Variants in MGAM observed in about 807,000 individuals in gnomAD.
The protein encoded by MGAM is maltase-glucoamylase, also known as alpha-1,4-glucosidase.
MGAM carries 253 observed loss-of-function variants against 358.8 expected under a neutral mutation model. The observed-to-expected ratio is 0.71, with a 90% CI of 0.64 to 0.78. The LOEUF (loss-of-function observed/expected upper bound fraction) is 0.78. MGAM is among the 30% of genes least tolerant of loss of function. MGAM has a pLI of 0.00. For synonymous variants in MGAM, 1,105 were observed against 1,227.1 expected, an observed-to-expected ratio of 0.90 and a Z score of 2.08; for missense variants, 3,080 against 3,432.6, an observed-to-expected ratio of 0.90 and a Z score of 2.57.
At chr7:142,011,767 TGTTTCTCTGA>T (rs1934777861) in intron 3 of MGAM, among the ~76,000 whole-genome samples, 1 of 152,128 alleles carries the variant, frequency 6.6e-6, no homozygotes, top group Admixed American at 6.6e-5. Context: ...TTCTGGCAAA[TGTTTCTCTGA>T]ATATTCACCA....
rs12155113 is a variant in MGAM, at chr7:142,088,783, A to T, written c.6810+2066A>T. Among the ~76,000 whole-genome samples the T allele has an allele frequency of 2.3e-3, 286 of 125,530 alleles. 19 individuals carry two copies. The highest frequency in any genetic ancestry group is 3.1e-3 in the South Asian group (12 of 3,876). 82.4% of individuals were successfully genotyped at this position (125,530 alleles called of 152,430 possible). A position where few individuals can be genotyped will look rare whatever the true frequency, so the allele number is the denominator to read the frequency against. On this transcript the variant is annotated intron_variant, in intron 57 of 70. Coordinates refer to ENST00000475668, the MANE Select transcript of MGAM (RefSeq NM_001365693.1). Reference sequence around the variant, plus strand: ...TATCTATCTATCTATCTATCTATCTATCTATCTATCTATCTATCATTCTAT... The same window carrying T: ...TATCTATCTATCTATCTATCTATCTTTCTATCTATCTATCTATCATTCTAT...
rs540302001 is a variant in MGAM, at chr7:142,011,720, C to G, written c.327+3015C>G. Among the ~76,000 whole-genome samples the G allele has an allele frequency of 1.2e-4, 19 of 152,258 alleles. 1 individual carries two copies. The South Asian group carries it at 1.7e-3, about 13-fold the overall frequency. ...GATTAAATGACTATTGAACACTATA[C>G]TAACCTCAAAATATTTTAGAATAGT... On this transcript the variant is annotated intron_variant, in intron 3 of 70. Transcript: ENST00000475668.
chr7:142,021,257 A>C (rs550432097), intron 5 of MGAM, among the ~76,000 whole-genome samples, 174 bp downstream of exon 5: 5 of 152,344 alleles, frequency 3.3e-5, no homozygotes, highest in African/African-American at 1.2e-4. Context: ...CCTTTACTGT[A>C]ATAACTTCCT....
intron 49 of MGAM, among the ~76,000 whole-genome samples, chr7:142,080,033 C>T (rs1201264154): frequency 5.5e-5 from 8 of 146,608 alleles, no homozygotes; most frequent in Non-Finnish European, 1.2e-4. Context: ...TTAATTCTCT[C>T]TGCCTTCGTG....
chr7:142,082,108 C>A lies in MGAM; in HGVS notation c.6069C>A (p.Pro2023=). The A allele has an allele frequency of 1.3e-6, 2 of 1,556,080 alleles. 1 individual carries two copies. The highest frequency in any genetic ancestry group is 4.6e-5 in the East Asian group (2 of 43,950). Reference sequence around the variant, plus strand: ...TTATCCGCATCTCCACCCGCCTTCCCTCCAAGTACCTCTATGGCTTTGGGG... The same window carrying A: ...TTATCCGCATCTCCACCCGCCTTCCATCCAAGTACCTCTATGGCTTTGGGG... ...DMFIRISTRL[P]SKYLYGFGET... is the part of the protein sequence containing the mutation. Residue 2023 remains proline, a synonymous_variant, in exon 51 of 71, where the codon CCC becomes CCA. Transcript: ENST00000475668.
intron 21 of MGAM, among the ~76,000 whole-genome samples, chr7:142,044,300 C>A (rs1302187278): frequency 9.4e-5 from 4 of 42,586 alleles, no homozygotes; most frequent in Non-Finnish European, 2.5e-4. Flanking sequence ...ATAATATATA[C>A]TATATATAAT....
At chr7:142,058,471 CA>C in intron 31 of MGAM, 143 bp downstream of exon 31, 2 of 1,423,572 alleles carry the variant, frequency 1.4e-6, no homozygotes, top group Non-Finnish European at 1.9e-6. Context: ...CACCCCAGCA[CA>C]GTAATATAGG....
intron 2 of MGAM, among the ~76,000 whole-genome samples, chr7:142,005,975 G>T (rs1805126421): frequency 6.6e-6 from 1 of 151,932 alleles, no homozygotes; most frequent in South Asian, 2.1e-4. Context: ...AGGCAAGCGA[G>T]TATATGAGAG....
intron 22 of MGAM, among the ~76,000 whole-genome samples, chr7:142,048,981 T>A (rs1810677765): frequency 6.6e-6 from 1 of 152,132 alleles, no homozygotes; most frequent in South Asian, 2.1e-4. Context: ...ATCTAATAAC[T>A]AAAAATTTGT....
Position 142,021,572 on chromosome 7 carries a change from C to A in MGAM, c.559-14C>A, listed in dbSNP as rs1806459984. ...TTTTATTTTGGCTTTCCTTCTATTT[C>A]TATCTCTGCACAGTTGACTGACCAA... On this transcript the variant is annotated splice_polypyrimidine_tract_variant and intron_variant, in intron 5 of 70. Transcript: ENST00000475668. 1 of 1,612,010 alleles carries A rather than the reference C, an allele frequency of 6.2e-7. No individual in the cohort carries two copies. The highest frequency in any genetic ancestry group is 8.5e-7 in the Non-Finnish European group (1 of 1,178,820).
At chr7:142,095,530 G>T in intron 63 of MGAM, 35 bp from the exon 64 acceptor site, 5 of 1,611,374 alleles carry the variant, frequency 3.1e-6, no homozygotes, top group Non-Finnish European at 4.2e-6. Context: ...GAAATTCCAG[G>T]GCAAGCTCCC....
intron 70 of MGAM, 47 bp from the exon 71 acceptor site, chr7:142,105,767 A>G (rs1161115216): frequency 6.9e-7 from 1 of 1,450,104 alleles, no homozygotes; most frequent in African/African-American, 1.4e-5. Context: ...TGCATGCAGG[A>G]AATTTCAACA....
chr7:142,077,033 T>G (rs142215617), intron 47 of MGAM, among the ~76,000 whole-genome samples: 1,890 of 145,316 alleles, frequency 0.013, 270 homozygotes, highest in South Asian at 0.032. Context: ...TTCTTCTTAT[T>G]CCCTTCTCTG....
At chr7:142,084,298 G>A (rs781301110) in intron 53 of MGAM, among the ~76,000 whole-genome samples, 6 of 145,896 alleles carry the variant, frequency 4.1e-5, no homozygotes, top group East Asian at 4.1e-4. Flanking sequence ...CTCTAGGAAT[G>A]GAGTGAAATC....
intron 3 of MGAM, among the ~76,000 whole-genome samples, chr7:142,015,103 T>C (rs1805873750): frequency 6.6e-6 from 1 of 152,142 alleles, no homozygotes. Flanking sequence ...TTGAGGATTA[T>C]AAAATAGTGT....
chr7:142,045,786 TAC>T lies in MGAM; in HGVS notation c.2499-1997_2499-1996del, dbSNP rs771892895. 7.4e-5 allele frequency among the ~76,000 whole-genome samples: 9 copies of T among 121,294 alleles called. 3 individuals are homozygous for T. Among genetic ancestry groups the T allele is most frequent in the African/African-American group, 3.1e-4 (9 of 29,284 alleles). 79.6% of individuals were successfully genotyped at this position (121,294 alleles called of 152,430 possible). A position where few individuals can be genotyped will look rare whatever the true frequency, so the allele number is the denominator to read the frequency against. On this transcript the variant is annotated intron_variant, in intron 21 of 70. Coordinates refer to ENST00000475668, the MANE Select transcript of MGAM (RefSeq NM_001365693.1). ...ACATACAATGTATGAATATATAATA[TAC>T]ATATCGTATATACATACAATGTATG...
intron 21 of MGAM, among the ~76,000 whole-genome samples, chr7:142,047,390 C>G (rs1023392003): frequency 1.3e-5 from 2 of 152,090 alleles, no homozygotes; most frequent in Non-Finnish European, 2.9e-5. Context: ...AATGTGTCTT[C>G]CTCACAGCAC....
chr7:142,032,547 A>G (rs1361883539), intron 13 of MGAM, among the ~76,000 whole-genome samples: 2 of 152,162 alleles, frequency 1.3e-5, no homozygotes, highest in Non-Finnish European at 2.9e-5. Flanking sequence ...AAGTTGAAAC[A>G]TGTCATCATA....
At position 142,078,299 on chromosome 7, in the gene MGAM, G is replaced by T; in HGVS notation, c.5494-19G>T. On this transcript the variant is annotated intron_variant, in intron 47 of 70. Transcript: ENST00000475668. ...TTCTCCCAAAGATGAATTTCCTTGT[G>T]ATTTCTGCATTCCTACAGGTCGCCA... 3 of 1,428,006 alleles carry T rather than the reference G, an allele frequency of 2.1e-6. No individual in the cohort carries two copies. The allele number at this position is 1,428,006 out of a possible 1,614,324, so 88.5% of individuals were successfully genotyped here.
Sources: allele counts gnomAD v4.1 joint callset (sites outside exome capture counted in the v4.1 genomes callset), GRCh38; gene constraint gnomAD v4.1.1; transcripts MANE v1.5; gene names NCBI Gene and HGNC (gene_info 2026-07-23, HGNC 2026-07-21).